Variants in TTLL1 observed in about 807,000 individuals in gnomAD.
The protein encoded by TTLL1 is polyglutamylase complex subunit TTLL1.
A neutral mutation model predicts 47.8 loss-of-function variants in TTLL1; 33 were observed. The observed-to-expected ratio is 0.69, with a 90% CI of 0.52 to 0.92. The LOEUF is 0.92. Among genes scored for constraint, TTLL1 ranks in the 40% least tolerant of loss-of-function variants. TTLL1 has a pLI of 0.00. For missense variants in TTLL1, 488 were observed against 547.5 expected, an observed-to-expected ratio of 0.89 and a Z score of 1.08; for synonymous variants, 225 against 214.1, an observed-to-expected ratio of 1.05 and a Z score of -0.45.
chr22:43,049,087 A>G lies in TTLL1; in HGVS notation c.979-2514T>C, dbSNP rs529644205. On this transcript the variant is annotated intron_variant, in intron 9 of 10. Coordinates refer to ENST00000266254, the MANE Select transcript of TTLL1 (RefSeq NM_012263.5). Reference sequence around the variant, plus strand: ...AGAAGCCCAAAGCCCAGCATTCTGCAATATATCCATGTAACAAACCGGCAT... The same window carrying G: ...AGAAGCCCAAAGCCCAGCATTCTGCGATATATCCATGTAACAAACCGGCAT... Among the ~76,000 whole-genome samples, 23 of 152,230 alleles carry G rather than the reference A, an allele frequency of 1.5e-4. No individual in the cohort carries two copies. In the South Asian group the frequency reaches 4.8e-3, roughly 32 times the overall value.
chr22:43,072,180 G>A (rs1343253265), intron 3 of TTLL1, among the ~76,000 whole-genome samples: 1 of 146,108 alleles, frequency 6.8e-6, no homozygotes, highest in East Asian at 2.0e-4. Flanking sequence ...TTGAGACGGA[G>A]TCTTGCTCTG....
intron 8 of TTLL1, among the ~76,000 whole-genome samples, chr22:43,056,246 C>T (rs973355324): frequency 6.6e-6 from 1 of 151,606 alleles, no homozygotes; most frequent in Non-Finnish European, 1.5e-5. Context: ...GTAGTCCCAG[C>T]TACTCAGGAG....
intron 9 of TTLL1, among the ~76,000 whole-genome samples, chr22:43,048,838 G>A (rs1042602533): frequency 6.6e-6 from 1 of 151,844 alleles, no homozygotes; most frequent in Non-Finnish European, 1.5e-5. Flanking sequence ...TCAGGAGGCC[G>A]AGGCACAAGA....
chr22:43,049,792 A>AAAAAAAAAAGAAAAG (rs1569416089), intron 9 of TTLL1, among the ~76,000 whole-genome samples: 6 of 30,284 alleles, frequency 2.0e-4, no homozygotes, highest in African/African-American at 1.8e-3. Context: ...AAAAGAAAAG[A>AAAAAAAAAAGAAAAG]AAAAAAAAAA....
Position 43,064,221 on chromosome 22 carries a change from C to A in TTLL1, c.607G>T (p.Val203Leu). 1 of 1,614,028 alleles carries A rather than the reference C, an allele frequency of 6.2e-7. No individual in the cohort carries two copies. Among genetic ancestry groups the A allele is most frequent in the Non-Finnish European group, 8.5e-7 (1 of 1,180,012 alleles). The change falls in exon 6 of 11, where the codon GTG becomes TTG. Residue 203 changes from valine (V) to leucine (L), a missense_variant. By Grantham distance (32) the Val-to-Leu change is conservative. Transcript: ENST00000266254. ...RKFDLRLYVL[V>L]STYRPLRCYM... Reference sequence around the variant, plus strand: ...CAGCGCAGTGGACGGTACGTGGACACCAGAACGTACAAGCGCAGGTCGAAC... The same window carrying A: ...CAGCGCAGTGGACGGTACGTGGACAACAGAACGTACAAGCGCAGGTCGAAC...
chr22:43,084,584 C>T (rs543042150), intron 1 of TTLL1, among the ~76,000 whole-genome samples: 14 of 152,174 alleles, frequency 9.2e-5, no homozygotes, highest in Admixed American at 3.9e-4. Context: ...TCACTGCAAG[C>T]TCTGCCTCCT....
At chr22:43,067,864 C>T (rs930104007) in intron 5 of TTLL1, among the ~76,000 whole-genome samples, 6 of 151,828 alleles carry the variant, frequency 4.0e-5, no homozygotes, top group Non-Finnish European at 8.8e-5. Flanking sequence ...GAGTGCATGG[C>T]GCGATCTCAG....
Position 43,076,181 on chromosome 22 carries a change from C to T in TTLL1, c.-4-591G>A, listed in dbSNP as rs377737438. Among the ~76,000 whole-genome samples, 177 of 152,304 alleles carry T rather than the reference C, an allele frequency of 1.2e-3. 1 individual carries two copies. The highest frequency in any genetic ancestry group is 3.8e-3 in the African/African-American group (157 of 41,568). On this transcript the variant is annotated intron_variant, in intron 2 of 10. Coordinates refer to ENST00000266254, the MANE Select transcript of TTLL1 (RefSeq NM_012263.5). ...ACCGTAAGTGTTTATCTGGACTGGG[C>T]GTGGTGGCTCATGCCTGTAATCCCA...
intron 10 of TTLL1, among the ~76,000 whole-genome samples, chr22:43,042,502 G>A (rs1056025940): frequency 1.3e-5 from 2 of 152,316 alleles, no homozygotes; most frequent in East Asian, 3.9e-4. Flanking sequence ...CAGCAACTTC[G>A]GAACAGGGTC....
At chr22:43,043,069 T>C (rs1488006148) in intron 10 of TTLL1, among the ~76,000 whole-genome samples, 1 of 151,486 alleles carries the variant, frequency 6.6e-6, no homozygotes, top group African/African-American at 2.4e-5. Context: ...GCCTCCCAAG[T>C]AGCTGGGATT....
At chr22:43,061,630 T>C (rs1387099710) in intron 7 of TTLL1, among the ~76,000 whole-genome samples, 1 of 152,202 alleles carries the variant, frequency 6.6e-6, no homozygotes, top group Non-Finnish European at 1.5e-5. Context: ...TGGTTTATGT[T>C]GGGGTGAAAT....
chr22:43,053,448 A>C (rs975363246), intron 8 of TTLL1, among the ~76,000 whole-genome samples: 8 of 152,226 alleles, frequency 5.3e-5, no homozygotes, highest in African/African-American at 1.7e-4. Context: ...TTACTGTCCC[A>C]GAAAATGTCT....
intron 6 of TTLL1, 70 bp downstream of exon 6, chr22:43,064,120 G>A: frequency 6.3e-7 from 1 of 1,575,776 alleles, no homozygotes; most frequent in South Asian, 1.2e-5. Flanking sequence ...ACCTCACAAT[G>A]GTGCTAAGAA....
chr22:43,056,169 A>G (rs1224211751), intron 8 of TTLL1, among the ~76,000 whole-genome samples: 2 of 151,708 alleles, frequency 1.3e-5, no homozygotes, highest in Non-Finnish European at 1.5e-5. Context: ...AGACCATCCT[A>G]GCCAACATGG....
chr22:43,084,599 TCA>T (rs1601709789), intron 1 of TTLL1, among the ~76,000 whole-genome samples: 1 of 152,022 alleles, frequency 6.6e-6, no homozygotes, highest in Non-Finnish European at 1.5e-5. Flanking sequence ...CCTCCTGGGC[TCA>T]CGCCATTCTC....
At chr22:43,040,064 G>A in intron 10 of TTLL1, 159 bp from the exon 11 acceptor site, 1 of 937,882 alleles carries the variant, frequency 1.1e-6, no homozygotes, top group Non-Finnish European at 1.6e-6. Context: ...CCTCCCACCT[G>A]GCTCCAGCCC....
chr22:43,062,795 C>T (rs1927469559), intron 7 of TTLL1, among the ~76,000 whole-genome samples: 1 of 152,088 alleles, frequency 6.6e-6, no homozygotes, highest in Admixed American at 6.6e-5. Context: ...CCACTGCACT[C>T]TAGCCGGGGC....
chr22:43,075,491 C>G lies in TTLL1; in HGVS notation c.96G>C (p.Glu32Asp), dbSNP rs1240199579. 10 of 1,614,122 alleles carry G rather than the reference C, an allele frequency of 6.2e-6. No homozygotes were observed. Among genetic ancestry groups the G allele is most frequent in the Non-Finnish European group, 8.5e-6 (10 of 1,180,002 alleles). ...ATGCTTACCAGTAAAAATTCCAGTC[C>G]TCGTTTTCTGTCACTTGGACCCATC... ...KRGWVQVTEN[E>D]DWNFYWMSVQ... Residue 32 changes from glutamate to aspartate, a missense_variant, in exon 3 of 11, where the codon GAG becomes GAC. Physicochemically the swap from Glu to Asp is conservative, Grantham distance 45 (BLOSUM62 2). Coordinates refer to ENST00000266254, the MANE Select transcript of TTLL1 (RefSeq NM_012263.5).
At position 43,046,437 on chromosome 22, in the gene TTLL1, T is replaced by C; in HGVS notation, c.1115A>G (p.Lys372Arg). 1 of 1,613,998 alleles carries C rather than the reference T, an allele frequency of 6.2e-7. No homozygotes were observed. The change falls in exon 10 of 11, where the codon AAG becomes AGG. Residue 372 changes from lysine to arginine, a missense_variant. By Grantham distance (26) the Lys-to-Arg change is conservative. Coordinates refer to ENST00000266254, the MANE Select transcript of TTLL1 (RefSeq NM_012263.5). Reference sequence around the variant, plus strand: ...AATCTCGTAATTGCCGAGGACTTCCTTAGGTGGCGACTTGTTCCATTTGCA... The same window carrying C: ...AATCTCGTAATTGCCGAGGACTTCCCTAGGTGGCGACTTGTTCCATTTGCA... ...PDCKWNKSPPKEVLGNYEILY... is the reference protein window; with the variant it reads ...PDCKWNKSPPREVLGNYEILY...
Sources: allele counts gnomAD v4.1 joint callset (sites outside exome capture counted in the v4.1 genomes callset), GRCh38; gene constraint gnomAD v4.1.1; transcripts MANE v1.5; gene names NCBI Gene and HGNC (gene_info 2026-07-23, HGNC 2026-07-21).